PTPRD: variants seen among roughly 807,000 people sequenced by gnomAD.
PTPRD encodes receptor-type tyrosine-protein phosphatase delta.
A neutral mutation model predicts 214.5 loss-of-function variants in PTPRD; 34 were observed. That is an observed-to-expected ratio of 0.16 (90% CI 0.12 to 0.21). The LOEUF is 0.21. PTPRD is among the 10% of genes least tolerant of loss of function. PTPRD has a pLI of 1.00. For missense variants in PTPRD, 2,545 were observed against 2,398.7 expected (o/e 1.06, Z -1.27); for synonymous variants, 1,128 against 845.7 (o/e 1.33, Z -5.79).
intron 14 of PTPRD, among the ~76,000 whole-genome samples, chr9:8,551,498 G>T (rs977432194): frequency 1.3e-5 from 2 of 151,278 alleles, no homozygotes; most frequent in South Asian, 2.1e-4. Context: ...CTTCCTCTTT[G>T]TTTTTTAACG....
At chr9:9,871,492 A>G (rs1356218804) in intron 5 of PTPRD, among the ~76,000 whole-genome samples, 1 of 152,202 alleles carries the variant, frequency 6.6e-6, no homozygotes, top group Non-Finnish European at 1.5e-5. Context: ...GATTGGATTC[A>G]GGGGAGCCGC....
intron 2 of PTPRD, among the ~76,000 whole-genome samples, chr9:10,368,946 G>C (rs73644431): frequency 0.028 from 4,249 of 152,120 alleles, 214 homozygotes; most frequent in African/African-American, 0.097. Context: ...ACACAGGACA[G>C]AGCTATTTTA....
At chr9:9,584,379 T>TTATTATTATTATTATTATTATTA (rs1554649180) in intron 7 of PTPRD, among the ~76,000 whole-genome samples, 1 of 151,318 alleles carries the variant, frequency 6.6e-6, no homozygotes. Flanking sequence ...ATTATTATTA[T>TTATTATTATTATTATTATTATTA]TTGCTATGCT....
At chr9:10,184,167 G>T (rs898862923) in intron 3 of PTPRD, among the ~76,000 whole-genome samples, 1 of 152,158 alleles carries the variant, frequency 6.6e-6, no homozygotes, top group Admixed American at 6.5e-5. Flanking sequence ...GGTCTTGCCT[G>T]TTAACCCAGT....
intron 5 of PTPRD, among the ~76,000 whole-genome samples, chr9:9,866,327 T>TTTGAATAATTTG (rs2063942411): frequency 6.6e-6 from 1 of 152,204 alleles, no homozygotes; most frequent in Non-Finnish European, 1.5e-5. Context: ...ATTACAGTGT[T>TTTGAATAATTTG]ATAGCTTTAG....
intron 2 of PTPRD, among the ~76,000 whole-genome samples, chr9:10,529,343 G>C (rs1005438354): frequency 6.6e-6 from 1 of 152,042 alleles, no homozygotes; most frequent in Non-Finnish European, 1.5e-5. Flanking sequence ...GGTTAGACTG[G>C]ATAAACAATA....
chr9:10,488,325 C>A (rs1441680752), intron 2 of PTPRD, among the ~76,000 whole-genome samples: 1 of 149,138 alleles, frequency 6.7e-6, no homozygotes, highest in Non-Finnish European at 1.5e-5. Context: ...CGAGATCGCA[C>A]CACTGCACTC....
chr9:9,427,298 GA>G (rs1161555764), intron 8 of PTPRD, among the ~76,000 whole-genome samples: 2 of 152,162 alleles, frequency 1.3e-5, no homozygotes, highest in Non-Finnish European at 2.9e-5. Flanking sequence ...TGATCAACTG[GA>G]AGAAAGGGTA....
At chr9:8,386,807 T>C (rs1367060225) in intron 37 of PTPRD, among the ~76,000 whole-genome samples, 1 of 152,122 alleles carries the variant, frequency 6.6e-6, no homozygotes, top group Admixed American at 6.6e-5. Context: ...TCCCGCTACT[T>C]TAGGTAAAAG....
chr9:9,601,488 T>C (rs942536066), intron 7 of PTPRD, among the ~76,000 whole-genome samples: 2 of 152,116 alleles, frequency 1.3e-5, no homozygotes, highest in East Asian at 1.9e-4. Flanking sequence ...AGATCATAGA[T>C]AGAGTCACTG....
intron 2 of PTPRD, among the ~76,000 whole-genome samples, chr9:10,379,415 G>A (rs948914472): frequency 2.0e-5 from 3 of 151,750 alleles, no homozygotes; most frequent in Non-Finnish European, 4.4e-5. Flanking sequence ...AGTAACAATG[G>A]TAAAAGTTAG....
At chr9:9,411,738 C>A (rs12351726) in intron 8 of PTPRD, among the ~76,000 whole-genome samples, 1 of 152,234 alleles carries the variant, frequency 6.6e-6, no homozygotes, top group Admixed American at 6.5e-5. Flanking sequence ...GAGAGCATTT[C>A]TCTTAATGTT....
intron 10 of PTPRD, among the ~76,000 whole-genome samples, chr9:9,027,470 TA>T (rs1445683942): frequency 1.3e-5 from 2 of 151,972 alleles, no homozygotes; most frequent in Non-Finnish European, 2.9e-5. Context: ...ATTACTCTCA[TA>T]AATATAAATT....
intron 3 of PTPRD, among the ~76,000 whole-genome samples, chr9:10,192,522 A>T (rs1464382881): frequency 6.6e-6 from 1 of 151,858 alleles, no homozygotes; most frequent in African/African-American, 2.4e-5. Context: ...TTATAGACAC[A>T]GACCAACAAC....
At chr9:10,574,513 C>A (rs2068524681) in intron 2 of PTPRD, among the ~76,000 whole-genome samples, 1 of 150,614 alleles carries the variant, frequency 6.6e-6, no homozygotes, top group Non-Finnish European at 1.5e-5. Context: ...AAGGAAGATA[C>A]AACTACAACT....
intron 8 of PTPRD, among the ~76,000 whole-genome samples, chr9:9,521,726 A>G (rs2096977413): frequency 6.6e-6 from 1 of 152,202 alleles, no homozygotes; most frequent in African/African-American, 2.4e-5. Flanking sequence ...AAAAAAGGAA[A>G]AGGTTAACAA....
intron 3 of PTPRD, among the ~76,000 whole-genome samples, chr9:10,095,430 T>A (rs762698899): frequency 1.3e-5 from 2 of 151,522 alleles, no homozygotes; most frequent in Admixed American, 6.6e-5. Context: ...TCATCTCTGA[T>A]ACTGACAATG....
At chr9:9,145,478 A>C (rs2099867070) in intron 10 of PTPRD, among the ~76,000 whole-genome samples, 1 of 152,184 alleles carries the variant, frequency 6.6e-6, no homozygotes, top group Non-Finnish European at 1.5e-5. Flanking sequence ...ATTAGTCAAG[A>C]ATACCTGGTC....
chr9:10,001,144 T>A (rs2096300514), intron 4 of PTPRD, among the ~76,000 whole-genome samples: 1 of 152,142 alleles, frequency 6.6e-6, no homozygotes, highest in Non-Finnish European at 1.5e-5. Context: ...CTCTGTCATT[T>A]ATCTAAATTG....
Sources: allele counts gnomAD v4.1 joint callset (sites outside exome capture counted in the v4.1 genomes callset), GRCh38; gene constraint gnomAD v4.1.1; transcripts MANE v1.5; gene names NCBI Gene and HGNC (gene_info 2026-07-23, HGNC 2026-07-21).